Variants in SLC14A2 observed in about 807,000 individuals in gnomAD.
The protein encoded by SLC14A2 is urea transporter 2.
A neutral mutation model predicts 104.6 loss-of-function variants in SLC14A2; 91 were observed. The observed-to-expected ratio is 0.87, with a 90% CI of 0.73 to 1.04. The LOEUF is 1.04. SLC14A2 is among the 50% of genes least tolerant of loss of function. SLC14A2 has a pLI of 0.00. For synonymous variants in SLC14A2, 476 were observed against 466.4 expected, an observed-to-expected ratio of 1.02 and a Z score of -0.27; for missense variants, 1,189 against 1,156.0, an observed-to-expected ratio of 1.03 and a Z score of -0.41.
At chr18:45,393,621 G>C (rs1018566008) in intron 1 of SLC14A2, among the ~76,000 whole-genome samples, 3 of 152,204 alleles carry the variant, frequency 2.0e-5, no homozygotes, top group African/African-American at 7.2e-5. Context: ...AAGCTCTTGA[G>C]AGTAACGCAA....
intron 2 of SLC14A2, among the ~76,000 whole-genome samples, chr18:45,507,924 G>T (rs574724802): frequency 1.3e-5 from 2 of 152,160 alleles, no homozygotes; most frequent in Non-Finnish European, 2.9e-5. Context: ...GAAAAACATG[G>T]CAATCTGGGG....
At chr18:45,555,998 C>T (rs1043859874) in intron 2 of SLC14A2, among the ~76,000 whole-genome samples, 2 of 152,146 alleles carry the variant, frequency 1.3e-5, no homozygotes, top group Admixed American at 6.5e-5. Flanking sequence ...GGCTTATAAA[C>T]AACAGACATT....
At chr18:45,488,018 G>A (rs560615360) in intron 2 of SLC14A2, among the ~76,000 whole-genome samples, 3 of 152,198 alleles carry the variant, frequency 2.0e-5, no homozygotes, top group East Asian at 3.9e-4. Flanking sequence ...ACTTTTACAT[G>A]TGAAAAAAAT....
At chr18:45,285,672 C>CCA (rs1288287027) in intron 1 of SLC14A2, among the ~76,000 whole-genome samples, 1 of 143,174 alleles carries the variant, frequency 7.0e-6, no homozygotes, top group Non-Finnish European at 1.5e-5. Flanking sequence ...CCCCCCCCCC[C>CCA]CCTCGGCCTC....
At chr18:45,376,182 T>C (rs1555680182) in intron 1 of SLC14A2, among the ~76,000 whole-genome samples, 2 of 152,204 alleles carry the variant, frequency 1.3e-5, no homozygotes, top group South Asian at 2.1e-4. Context: ...ATTCAATTAA[T>C]AGCATCTCTT....
chr18:45,600,736 G>A (rs1003823310), intron 2 of SLC14A2, among the ~76,000 whole-genome samples: 1 of 152,174 alleles, frequency 6.6e-6, no homozygotes, highest in East Asian at 1.9e-4. Flanking sequence ...AGGTAGGACT[G>A]AGTGTGAGCA....
chr18:45,668,121 G>C, intron 14 of SLC14A2, 99 bp downstream of exon 14: 1 of 1,248,412 alleles, frequency 8.0e-7, no homozygotes, highest in Non-Finnish European at 1.1e-6. Context: ...TCAAAATAAG[G>C]ACACTGACAA....
chr18:45,355,372 G>A (rs536072377), intron 1 of SLC14A2, among the ~76,000 whole-genome samples: 18 of 151,974 alleles, frequency 1.2e-4, no homozygotes, highest in African/African-American at 4.1e-4. Flanking sequence ...GCAGGAGTTC[G>A]AGACCAGCCT....
In SLC14A2 at chr18:45,639,871, C is replaced by A; in HGVS notation, c.969C>A (p.Gly323=). 6.2e-7 allele frequency: 1 copy of A among 1,613,604 alleles called. No individual in the cohort carries two copies. The highest frequency in any genetic ancestry group is 1.1e-5 in the South Asian group (1 of 91,060). The change falls in exon 7 of 20, where the codon GGC becomes GGA. Residue 323 remains glycine (G), a synonymous_variant. Coordinates refer to ENST00000255226, the MANE Select transcript of SLC14A2 (RefSeq NM_007163.4). ...SPLICLHAAI[G]SIVGLLAALS... ...TCATCTGCTTGCATGCAGCCATTGG[C>A]TCAATCGTGGGGCTGCTAGCAGGTA...
At chr18:45,189,249 C>T in the SLC14A2 span, among the ~76,000 whole-genome samples, 1 of 152,256 alleles carries the variant, frequency 6.6e-6, no homozygotes, top group South Asian at 2.1e-4. Flanking sequence ...AATCCAGACT[C>T]AATAATTATG....
At chr18:45,357,026 C>T (rs2085561233) in intron 1 of SLC14A2, among the ~76,000 whole-genome samples, 1 of 152,076 alleles carries the variant, frequency 6.6e-6, no homozygotes, top group Admixed American at 6.6e-5. Flanking sequence ...TGGATTTTGA[C>T]TATTTGTTTA....
chr18:45,370,215 AGAACCCAGGGTGAC>A (rs1191292707), intron 1 of SLC14A2, among the ~76,000 whole-genome samples: 1 of 152,192 alleles, frequency 6.6e-6, no homozygotes, highest in Non-Finnish European at 1.5e-5. Context: ...AACACATGGG[AGAACCCAGGGTGAC>A]GAATGTCTAG....
chr18:45,277,407 T>C (rs1288929672), intron 1 of SLC14A2, among the ~76,000 whole-genome samples: 1 of 152,142 alleles, frequency 6.6e-6, no homozygotes. Flanking sequence ...AAATACATAG[T>C]AGTTAGTTTT....
chr18:45,662,301 T>C (rs528842467), intron 10 of SLC14A2, among the ~76,000 whole-genome samples: 2 of 151,870 alleles, frequency 1.3e-5, no homozygotes, highest in Admixed American at 1.3e-4. Context: ...GACTCCGTCT[T>C]AGAAAAAAAA....
intron 1 of SLC14A2, among the ~76,000 whole-genome samples, chr18:45,420,149 C>T (rs1043544784): frequency 6.6e-6 from 1 of 152,184 alleles, no homozygotes; most frequent in Admixed American, 6.5e-5. Flanking sequence ...CAAGGCAGCT[C>T]ACTCACATGG....
At chr18:45,215,928 T>C (rs1387969177) in intron 1 of SLC14A2, among the ~76,000 whole-genome samples, 5 of 152,206 alleles carry the variant, frequency 3.3e-5, no homozygotes, top group Non-Finnish European at 4.4e-5. Flanking sequence ...TGTTTTCTTC[T>C]TTTTGTTTCT....
At chr18:45,219,822 G>A (rs976376578) in intron 1 of SLC14A2, among the ~76,000 whole-genome samples, 1 of 152,130 alleles carries the variant, frequency 6.6e-6, no homozygotes, top group Admixed American at 6.6e-5. Flanking sequence ...TTTAGGAAGG[G>A]GAGAATCCCT....
chr18:45,192,797 T>C, the SLC14A2 span, among the ~76,000 whole-genome samples: 1,395 of 151,948 alleles, frequency 9.2e-3, 31 homozygotes, highest in African/African-American at 0.032. Context: ...GCTGGGACTA[T>C]AGGCATGTGC....
intron 2 of SLC14A2, among the ~76,000 whole-genome samples, chr18:45,592,282 A>G (rs1445868875): frequency 6.6e-6 from 1 of 152,052 alleles, no homozygotes; most frequent in Non-Finnish European, 1.5e-5. Flanking sequence ...TTCCCTCCTC[A>G]TCCCCAATCT....
Sources: gnomAD v4.1 joint callset for allele counts (sites outside exome capture counted in the v4.1 genomes callset) on GRCh38, gnomAD v4.1.1 for gene constraint, MANE v1.5 for transcripts, NCBI Gene and HGNC (gene_info 2026-07-23, HGNC 2026-07-21) for gene names.